MFHAS1: variants seen among roughly 807,000 people sequenced by gnomAD.
MFHAS1 encodes multifunctional ROCO family signaling regulator 1.
A neutral mutation model predicts 70.4 loss-of-function variants in MFHAS1; 50 were observed. The observed-to-expected ratio is 0.71, with a 90% CI of 0.57 to 0.90. The LOEUF (loss-of-function observed/expected upper bound fraction) is 0.90. MFHAS1 is among the 40% of genes least tolerant of loss of function. The probability of loss-of-function intolerance (pLI) is 0.00; values close to 1 mark genes in which losing one functional copy is unlikely to be tolerated. For missense variants in MFHAS1, 1,795 were observed against 1,347.6 expected (o/e 1.33, Z -5.20); for synonymous variants, 952 against 620.0 (o/e 1.54, Z -7.96).
At chr8:8,796,888 C>T (rs1290082737) in intron 2 of MFHAS1, among the ~76,000 whole-genome samples, 1 of 150,516 alleles carries the variant, frequency 6.6e-6, no homozygotes, top group African/African-American at 2.4e-5. Context: ...CCCAGCTACT[C>T]GGGAGGCTGA....
chr8:8,799,900 G>A (rs1367980487), intron 1 of MFHAS1, among the ~76,000 whole-genome samples: 2 of 152,204 alleles, frequency 1.3e-5, no homozygotes, highest in African/African-American at 4.8e-5. Flanking sequence ...CCCTAGATGG[G>A]TTTATCCTCA....
chr8:8,807,783 T>G (rs116328936), intron 1 of MFHAS1, among the ~76,000 whole-genome samples: 127 of 152,324 alleles, frequency 8.3e-4, no homozygotes, highest in African/African-American at 3.0e-3. Flanking sequence ...AGGTCAATGT[T>G]GCAAAGGAGA....
At chr8:8,883,060 G>A (rs558612525) in intron 1 of MFHAS1, among the ~76,000 whole-genome samples, 1 of 152,328 alleles carries the variant, frequency 6.6e-6, no homozygotes, top group African/African-American at 2.4e-5. Flanking sequence ...GGCTGGAGCA[G>A]GAGGATCACT....
At chr8:8,790,524 C>CA in intron 2 of MFHAS1, 1 of 293,490 alleles carries the variant, frequency 3.4e-6, no homozygotes, top group Non-Finnish European at 5.1e-6. Context: ...CTTGTTAAAA[C>CA]AGCAAGGCAA....
intron 1 of MFHAS1, among the ~76,000 whole-genome samples, chr8:8,804,564 C>G (rs1585024426): frequency 6.6e-6 from 1 of 152,272 alleles, no homozygotes; most frequent in East Asian, 1.9e-4. Context: ...ATCAGAAAGC[C>G]CTCAGCACCT....
intron 1 of MFHAS1, among the ~76,000 whole-genome samples, chr8:8,864,410 G>A (rs138589517): frequency 6.6e-6 from 1 of 152,178 alleles, no homozygotes; most frequent in African/African-American, 2.4e-5. Context: ...TCCCACATTA[G>A]TAGAAACAAT....
intron 1 of MFHAS1, among the ~76,000 whole-genome samples, chr8:8,863,001 C>A (rs973324967): frequency 2.0e-5 from 3 of 152,182 alleles, no homozygotes; most frequent in African/African-American, 2.4e-5. Flanking sequence ...AGATCGATTA[C>A]CCATTTCAAG....
intron 1 of MFHAS1, among the ~76,000 whole-genome samples, chr8:8,887,939 T>G (rs1317425759): frequency 6.6e-6 from 1 of 151,482 alleles, no homozygotes; most frequent in Non-Finnish European, 1.5e-5. Flanking sequence ...CTCAATAACC[T>G]ATGTCTCTCC....
intron 1 of MFHAS1, among the ~76,000 whole-genome samples, chr8:8,853,296 C>G (rs1373388232): frequency 1.3e-5 from 2 of 152,058 alleles, no homozygotes; most frequent in Non-Finnish European, 2.9e-5. Context: ...AGGCGGCAAG[C>G]TCCTGTCCTA....
At position 8,855,312 on chromosome 8, in the gene MFHAS1, G is replaced by C. The variant is rs148720389; in HGVS notation, c.2998+34749C>G. On this transcript the variant is annotated intron_variant, in intron 1 of 2. Coordinates refer to ENST00000276282, the MANE Select transcript of MFHAS1 (RefSeq NM_004225.3). ...GTATTAGGACAAGCGGAAAACAGAT[G>C]AATTAAGACATGGCATCTTACCACA... Among the ~76,000 whole-genome samples the C allele has an allele frequency of 1.9e-3, 297 of 152,314 alleles. 2 individuals carry two copies. Among genetic ancestry groups the C allele is most frequent in the African/African-American group, 6.7e-3 (279 of 41,576 alleles).
At chr8:8,879,927 C>T (rs1809448206) in intron 1 of MFHAS1, among the ~76,000 whole-genome samples, 1 of 152,218 alleles carries the variant, frequency 6.6e-6, no homozygotes, top group Non-Finnish European at 1.5e-5. Flanking sequence ...TAGGTCTTGC[C>T]AGTCATTCCA....
chr8:8,849,952 C>A (rs1163748405), intron 1 of MFHAS1, among the ~76,000 whole-genome samples: 2 of 152,226 alleles, frequency 1.3e-5, no homozygotes, highest in Non-Finnish European at 2.9e-5. Flanking sequence ...GCTAGACTTT[C>A]TCAGGATGGT....
In MFHAS1 at chr8:8,829,254, G is replaced by T. The variant is rs557142810; in HGVS notation, c.2999-31763C>A. ...CAGATTCCAACTCAGTATGTGTACC[G>T]GGCTGCACCCCCACCTGGAGGTCCT... On this transcript the variant is annotated intron_variant, in intron 1 of 2. Coordinates refer to ENST00000276282, the MANE Select transcript of MFHAS1 (RefSeq NM_004225.3). 1.8e-4 allele frequency among the ~76,000 whole-genome samples: 27 copies of T among 152,280 alleles called. No individual in the cohort carries two copies. The South Asian group carries it at 5.4e-3, about 30-fold the overall frequency.
chr8:8,849,228 G>A (rs1055891505), intron 1 of MFHAS1, among the ~76,000 whole-genome samples: 20 of 151,912 alleles, frequency 1.3e-4, no homozygotes, highest in African/African-American at 4.6e-4. Flanking sequence ...CTACAGGCGT[G>A]AGCCACCATG....
At chr8:8,881,322 T>A (rs937273029) in intron 1 of MFHAS1, among the ~76,000 whole-genome samples, 1 of 152,168 alleles carries the variant, frequency 6.6e-6, no homozygotes, top group Admixed American at 6.5e-5. Context: ...CTGCTAGCAG[T>A]GGATTCTGGG....
intron 1 of MFHAS1, among the ~76,000 whole-genome samples, chr8:8,821,041 G>A (rs1806934020): frequency 6.6e-6 from 1 of 152,202 alleles, no homozygotes; most frequent in Non-Finnish European, 1.5e-5. Context: ...ACGTGAGTCA[G>A]CACAGGGAAG....
At chr8:8,875,436 T>A (rs1809252508) in intron 1 of MFHAS1, among the ~76,000 whole-genome samples, 8 of 152,198 alleles carry the variant, frequency 5.3e-5, no homozygotes, top group Admixed American at 3.9e-4. Context: ...TTAGCATAAG[T>A]TTAAAAAATC....
At chr8:8,888,328 T>C (rs1809849164) in intron 1 of MFHAS1, among the ~76,000 whole-genome samples, 1 of 152,348 alleles carries the variant, frequency 6.6e-6, no homozygotes. Context: ...AGCTGCATTC[T>C]TGTTGTCCCT....
At chr8:8,889,876 G>A (rs891927375) in intron 1 of MFHAS1, among the ~76,000 whole-genome samples, 185 bp downstream of exon 1, 3 of 152,168 alleles carry the variant, frequency 2.0e-5, no homozygotes, top group Non-Finnish European at 4.4e-5. Flanking sequence ...ACTTGTGACT[G>A]CATTTCATAA....
Sources: gnomAD v4.1 joint callset for allele counts (sites outside exome capture counted in the v4.1 genomes callset) on GRCh38, gnomAD v4.1.1 for gene constraint, MANE v1.5 for transcripts, NCBI Gene and HGNC (gene_info 2026-07-23, HGNC 2026-07-21) for gene names.